The following PDE8B variants were observed in gnomAD, a reference collection of about 807,000 sequenced individuals.
PDE8B encodes the protein phosphodiesterase 8B, also known as high affinity cAMP-specific and IBMX-insensitive 3',5'-cyclic phosphodiesterase 8B.
Under a neutral mutation model 101.3 loss-of-function variants are expected in PDE8B, and 26 were observed. That is an observed-to-expected ratio of 0.26 (90% CI 0.19 to 0.36). The LOEUF is 0.36. Among genes scored for constraint, PDE8B ranks in the 10% least tolerant of loss-of-function variants. PDE8B has a pLI of 1.00. For missense variants in PDE8B, 810 were observed against 1,163.1 expected (o/e 0.70, Z 4.42); for synonymous variants, 424 against 429.3 (o/e 0.99, Z 0.15).
At chr5:77,226,574 C>T (rs924912217) in intron 1 of PDE8B, among the ~76,000 whole-genome samples, 1 of 152,130 alleles carries the variant, frequency 6.6e-6, no homozygotes, top group African/African-American at 2.4e-5. Context: ...ATTTTCATAT[C>T]ATACAGTCTA....
At chr5:77,365,653 G>C (rs1219227401) in intron 10 of PDE8B, among the ~76,000 whole-genome samples, 2 of 152,238 alleles carry the variant, frequency 1.3e-5, no homozygotes, top group African/African-American at 4.8e-5. Flanking sequence ...ACAGGGGCCT[G>C]TGTGTGCCCT....
intron 10 of PDE8B, among the ~76,000 whole-genome samples, chr5:77,372,387 T>C (rs1785224647): frequency 6.6e-6 from 1 of 152,256 alleles, no homozygotes; most frequent in Non-Finnish European, 1.5e-5. Context: ...ATCTGTTTTT[T>C]GGATAATGTC....
intron 1 of PDE8B, among the ~76,000 whole-genome samples, chr5:77,304,042 A>ATACACTCATATAGGAGGCTGAAT (rs1212584270): frequency 6.6e-6 from 1 of 152,160 alleles, no homozygotes; most frequent in African/African-American, 2.4e-5. Context: ...CACCCTAGAG[A>ATACACTCATATAGGAGGCTGAAT]TACACTCATA....
intron 10 of PDE8B, among the ~76,000 whole-genome samples, chr5:77,386,266 G>A (rs544158035): frequency 6.6e-6 from 1 of 152,290 alleles, no homozygotes; most frequent in South Asian, 2.1e-4. Context: ...GATTTGGGGT[G>A]GAGAGTTCTG....
intron 1 of PDE8B, among the ~76,000 whole-genome samples, chr5:77,257,112 A>C (rs1314349638): frequency 6.6e-6 from 1 of 152,198 alleles, no homozygotes; most frequent in Non-Finnish European, 1.5e-5. Flanking sequence ...CATTTCAGAA[A>C]TACTTAGTAC....
At chr5:77,235,313 T>A (rs35981544) in intron 1 of PDE8B, among the ~76,000 whole-genome samples, 9,148 of 152,314 alleles carry the variant, frequency 0.06, 394 homozygotes, top group Non-Finnish European at 0.094. Context: ...TAGTATATTA[T>A]TCAATTGATG....
intron 1 of PDE8B, among the ~76,000 whole-genome samples, chr5:77,290,017 G>T (rs1010353872): frequency 6.6e-6 from 1 of 152,202 alleles, no homozygotes; most frequent in Non-Finnish European, 1.5e-5. Flanking sequence ...GAATGAATGA[G>T]AGATTATCAT....
At chr5:77,378,040 ACACACACACC>A (rs1561612631) in intron 10 of PDE8B, among the ~76,000 whole-genome samples, 1 of 137,172 alleles carries the variant, frequency 7.3e-6, no homozygotes, top group African/African-American at 2.7e-5. Context: ...ACACACACAC[ACACACACACC>A]CCCTGTTGGT....
chr5:77,092,033 C>T, the PDE8B span, among the ~76,000 whole-genome samples: 1 of 152,182 alleles, frequency 6.6e-6, no homozygotes, highest in Non-Finnish European at 1.5e-5. Flanking sequence ...AGGAAATATT[C>T]AAGTGCCATA....
In PDE8B at chr5:77,210,953, T is replaced by C; in HGVS notation, c.28T>C (p.Ser10Pro). The C allele has an allele frequency of 6.6e-7, 1 of 1,519,714 alleles. No homozygotes were observed. Among genetic ancestry groups the C allele is most frequent in the East Asian group, 2.7e-5 (1 of 36,364 alleles). 94.1% of individuals were successfully genotyped at this position (1,519,714 alleles called of 1,614,324 possible). Residue 10 changes from serine (S) to proline (P), a missense_variant, in exon 1 of 22, where the codon TCG becomes CCG. By Grantham distance (74) the Ser-to-Pro change is moderately conservative. This residue lies in a region of PDE8B where 159 missense variants were observed against 146.6 expected (regional missense o/e 1.08). Coordinates refer to ENST00000264917, the MANE Select transcript of PDE8B (RefSeq NM_003719.5). This position sits in a 1 kb window ranked among gnomAD's most constrained non-coding sequence, Gnocchi z 4.9. The stretch of plus-strand genomic sequence containing the variant: ...GGGCTGCGCCCCCAGCATCCATGTC[T>C]CGCAGAGCGGCGTGATCTACTGCCG... MGCAPSIHVSQSGVIYCRDS... is the reference protein window; with the variant it reads MGCAPSIHVPQSGVIYCRDS...
intron 1 of PDE8B, among the ~76,000 whole-genome samples, chr5:77,215,592 T>C (rs1417795780): frequency 6.6e-6 from 1 of 152,212 alleles, no homozygotes; most frequent in East Asian, 1.9e-4. Context: ...TAGTATAAGC[T>C]GCCAGCTGTT....
chr5:77,266,239 A>T (rs944911543), intron 1 of PDE8B, among the ~76,000 whole-genome samples: 8 of 152,242 alleles, frequency 5.3e-5, no homozygotes, highest in Non-Finnish European at 1.5e-5. Flanking sequence ...GGTAAAAAAA[A>T]TTTGAATCCT....
intron 1 of PDE8B, among the ~76,000 whole-genome samples, chr5:77,212,316 A>G (rs1192667083): frequency 6.6e-6 from 1 of 152,240 alleles, no homozygotes; most frequent in Non-Finnish European, 1.5e-5. Flanking sequence ...TTATTTGTCA[A>G]AGACACATTT....
chr5:77,102,072 G>GA, the PDE8B span, among the ~76,000 whole-genome samples: 2 of 152,146 alleles, frequency 1.3e-5, no homozygotes, highest in Non-Finnish European at 2.9e-5. Flanking sequence ...CTATACTGTA[G>GA]AAATTTGAGG....
intron 10 of PDE8B, among the ~76,000 whole-genome samples, chr5:77,372,427 C>T (rs544513005): frequency 3.9e-5 from 6 of 152,124 alleles, no homozygotes; most frequent in African/African-American, 1.4e-4. Context: ...TAGGATTGTG[C>T]TGGCCTATTA....
At chr5:77,094,682 A>G in the PDE8B span, among the ~76,000 whole-genome samples, 1 of 152,122 alleles carries the variant, frequency 6.6e-6, no homozygotes, top group African/African-American at 2.4e-5. Context: ...TCAGTTCTGC[A>G]GGCTGTACAA....
At chr5:77,095,098 T>C in the PDE8B span, among the ~76,000 whole-genome samples, 1 of 152,240 alleles carries the variant, frequency 6.6e-6, no homozygotes, top group Non-Finnish European at 1.5e-5. Context: ...TGCCCTTGTT[T>C]GATGAGAGGA....
At chr5:77,193,506 G>C in the PDE8B span, among the ~76,000 whole-genome samples, 1 of 152,234 alleles carries the variant, frequency 6.6e-6, no homozygotes, top group East Asian at 1.9e-4. Flanking sequence ...TCTGTATCTG[G>C]ACACTATTTT....
intron 1 of PDE8B, chr5:77,246,677 G>C (rs1757017464): frequency 6.6e-6 from 1 of 152,178 alleles, no homozygotes; most frequent in South Asian, 2.1e-4. Context: ...TTGTGACAGA[G>C]ACCAAATGGC....
Sources: gnomAD v4.1 joint callset for allele counts (sites outside exome capture counted in the v4.1 genomes callset) on GRCh38, gnomAD v4.1.1 for gene constraint, gnomAD v4.1.1 regional missense constraint, Gnocchi (gnomAD v3.1) non-coding constraint, MANE v1.5 for transcripts, NCBI Gene and HGNC (gene_info 2026-07-23, HGNC 2026-07-21) for gene names.